CRIM1: variants seen among roughly 807,000 people sequenced by gnomAD.
The protein encoded by CRIM1 is cysteine rich transmembrane BMP regulator 1.
A neutral mutation model predicts 116.4 loss-of-function variants in CRIM1; 32 were observed. That is an observed-to-expected ratio of 0.27 (90% CI 0.21 to 0.37). The LOEUF is 0.37. Among genes scored for constraint, CRIM1 ranks in the 10% least tolerant of loss-of-function variants. The probability of loss-of-function intolerance (pLI) is 1.00; values close to 1 mark genes in which losing one functional copy is unlikely to be tolerated. For synonymous variants in CRIM1, 590 were observed against 509.2 expected (o/e 1.16, Z -2.13); for missense variants, 1,331 against 1,354.8 (o/e 0.98, Z 0.28).
At chr2:36,390,786 A>G (rs926225612) in intron 1 of CRIM1, among the ~76,000 whole-genome samples, 4 of 152,088 alleles carry the variant, frequency 2.6e-5, no homozygotes, top group African/African-American at 9.7e-5. Flanking sequence ...CTTAACTGTG[A>G]GAAAACTTGC....
chr2:36,381,410 G>A (rs538564246), intron 1 of CRIM1, among the ~76,000 whole-genome samples: 2 of 152,340 alleles, frequency 1.3e-5, no homozygotes, highest in African/African-American at 4.8e-5. Context: ...CGGGGCCTCT[G>A]GCAGAGCCAG....
At chr2:36,533,614 A>T (rs537112793) in intron 13 of CRIM1, among the ~76,000 whole-genome samples, 1 of 152,160 alleles carries the variant, frequency 6.6e-6, no homozygotes, top group African/African-American at 2.4e-5. Flanking sequence ...GAAAAAAGTT[A>T]TTGGTTTTCC....
At chr2:36,388,813 A>G (rs1671364053) in intron 1 of CRIM1, among the ~76,000 whole-genome samples, 1 of 152,144 alleles carries the variant, frequency 6.6e-6, no homozygotes, top group African/African-American at 2.4e-5. Context: ...TGTTAGTTGT[A>G]TTGCTGAGGT....
At chr2:36,378,397 C>G (rs1670479421) in intron 1 of CRIM1, 1 of 471,052 alleles carries the variant, frequency 2.1e-6, no homozygotes. Flanking sequence ...AGCATTACTG[C>G]TCATCTCAAA....
intron 2 of CRIM1, among the ~76,000 whole-genome samples, chr2:36,410,586 T>C (rs1378503300): frequency 6.6e-6 from 1 of 152,158 alleles, no homozygotes; most frequent in African/African-American, 2.4e-5. Flanking sequence ...TGTTCTGTTA[T>C]TAAGAGGAAA....
chr2:36,522,902 G>A (rs1328005397), intron 13 of CRIM1, among the ~76,000 whole-genome samples: 3 of 151,874 alleles, frequency 2.0e-5, no homozygotes, highest in Admixed American at 2.0e-4. Flanking sequence ...TCCTTGGCCA[G>A]TTCAGGGTTT....
intron 6 of CRIM1, among the ~76,000 whole-genome samples, chr2:36,477,791 A>T (rs1209952348): frequency 6.6e-6 from 1 of 152,128 alleles, no homozygotes; most frequent in Non-Finnish European, 1.5e-5. Context: ...TCTGAATATC[A>T]CTCCCTGCAA....
chr2:36,507,567 C>T (rs1681518987), intron 8 of CRIM1, among the ~76,000 whole-genome samples: 1 of 152,168 alleles, frequency 6.6e-6, no homozygotes, highest in Non-Finnish European at 1.5e-5. Flanking sequence ...TGGGCCAGAG[C>T]ATAACATGCA....
At chr2:36,383,842 AG>A (rs1191035188) in intron 1 of CRIM1, among the ~76,000 whole-genome samples, 2 of 152,216 alleles carry the variant, frequency 1.3e-5, no homozygotes, top group East Asian at 3.9e-4. Context: ...GGATCCGTAA[AG>A]GCCCATTGGA....
At chr2:36,413,457 T>C (rs949751457) in intron 2 of CRIM1, among the ~76,000 whole-genome samples, 5 of 152,130 alleles carry the variant, frequency 3.3e-5, no homozygotes, top group African/African-American at 1.2e-4. Flanking sequence ...AACACAGGCT[T>C]TTCACACAAG....
intron 2 of CRIM1, among the ~76,000 whole-genome samples, chr2:36,407,640 C>T (rs1672907532): frequency 6.6e-6 from 1 of 150,500 alleles, no homozygotes; most frequent in Non-Finnish European, 1.5e-5. Flanking sequence ...ATAATTATAC[C>T]TGCATTTTAA....
intron 4 of CRIM1, among the ~76,000 whole-genome samples, chr2:36,455,154 T>C (rs970644854): frequency 2.6e-5 from 4 of 151,996 alleles, no homozygotes; most frequent in African/African-American, 7.3e-5. Context: ...ATGTGTGACT[T>C]CAGAGAGTTC....
At chr2:36,399,736 T>G (rs1411000493) in intron 2 of CRIM1, among the ~76,000 whole-genome samples, 1 of 152,224 alleles carries the variant, frequency 6.6e-6, no homozygotes, top group African/African-American at 2.4e-5. Context: ...GAAAGGCGAT[T>G]GCAGGAGCAA....
chr2:36,476,792 T>C, intron 5 of CRIM1, 97 bp from the exon 6 acceptor site: 2 of 934,984 alleles, frequency 2.1e-6, no homozygotes. Context: ...ACTTATAACC[T>C]CCTATTAGAA....
At chr2:36,492,012 A>T (rs77973189) in intron 7 of CRIM1, among the ~76,000 whole-genome samples, 4 of 152,272 alleles carry the variant, frequency 2.6e-5, no homozygotes, top group South Asian at 4.1e-4. Context: ...ATAAAAAAAA[A>T]TTTTAATTTG....
chr2:36,457,123 GA>G (rs1315219244), intron 4 of CRIM1, among the ~76,000 whole-genome samples: 3 of 151,872 alleles, frequency 2.0e-5, no homozygotes, highest in African/African-American at 7.3e-5. Context: ...GAAGGCAAGG[GA>G]ATATTTTATT....
In CRIM1 at chr2:36,548,785, T is replaced by C; in HGVS notation, c.*84T>C. On this transcript the variant is annotated 3_prime_UTR_variant, in exon 17 of 17. Coordinates refer to ENST00000280527, the MANE Select transcript of CRIM1 (RefSeq NM_016441.3). ...AGTAAACTAGAATTTGTGCACTTGC[T>C]TAGTGGATTGTATTGGATTGTGACT... is the stretch of plus-strand genomic sequence containing the variant. The C allele has an allele frequency of 8.5e-7, 1 of 1,171,030 alleles. No homozygotes were observed. The highest frequency in any genetic ancestry group is 1.5e-5 in the South Asian group (1 of 65,330). The allele number at this position is 1,171,030 out of a possible 1,614,324, so 72.5% of individuals were successfully genotyped here.
intron 2 of CRIM1, among the ~76,000 whole-genome samples, chr2:36,417,473 G>A (rs376632667): frequency 3.9e-5 from 6 of 152,094 alleles, no homozygotes; most frequent in South Asian, 4.1e-4. Flanking sequence ...GATTGTATAC[G>A]TTCAATTTCT....
At position 36,432,963 on chromosome 2, in the gene CRIM1, C is replaced by T. The variant is rs555345883; in HGVS notation, c.506-8295C>T. Among the ~76,000 whole-genome samples, 35 of 152,240 alleles carry T rather than the reference C, an allele frequency of 2.3e-4. No individual in the cohort carries two copies. In the South Asian group the frequency reaches 7.3e-3, roughly 32 times the overall value. On this transcript the variant is annotated intron_variant, in intron 2 of 16. Coordinates refer to ENST00000280527, the MANE Select transcript of CRIM1 (RefSeq NM_016441.3). ...CACTAAATTTTCAAACTATAGTATG[C>T]ATGAGAATCACCTCTAGGGTTTGTT...
Sources: gnomAD v4.1 joint callset for allele counts (sites outside exome capture counted in the v4.1 genomes callset) on GRCh38, gnomAD v4.1.1 for gene constraint, MANE v1.5 for transcripts, NCBI Gene and HGNC (gene_info 2026-07-23, HGNC 2026-07-21) for gene names.